VWA3A: variants seen among roughly 807,000 people sequenced by gnomAD.
The protein encoded by VWA3A is von Willebrand factor A domain containing 3A.
VWA3A carries 134 observed loss-of-function variants against 160.4 expected under a neutral mutation model. That is an observed-to-expected ratio of 0.84 (90% CI 0.73 to 0.96). The LOEUF is 0.96. Ranked by LOEUF, VWA3A falls within the 40% of genes least tolerant of loss-of-function variation. The pLI is 0.00. For synonymous variants in VWA3A, 476 were observed against 543.4 expected (o/e 0.88, Z 1.72); for missense variants, 1,310 against 1,447.9 (o/e 0.90, Z 1.55).
intron 1 of VWA3A, among the ~76,000 whole-genome samples, chr16:22,095,275 GAGA>G (rs1484195759): frequency 6.6e-6 from 1 of 152,180 alleles, no homozygotes; most frequent in African/African-American, 2.4e-5. Flanking sequence ...TAGGGTAGGG[GAGA>G]AGAAGAACGT....
chr16:22,095,301 A>T (rs1390131517), intron 1 of VWA3A, among the ~76,000 whole-genome samples: 1 of 152,196 alleles, frequency 6.6e-6, no homozygotes, highest in Non-Finnish European at 1.5e-5. Flanking sequence ...CAGAGCAAAG[A>T]CAGCAGCACA....
Position 22,126,238 on chromosome 16 carries a change from C to T in VWA3A, c.1593C>T (p.His531=), listed in dbSNP as rs760689604. Residue 531 remains histidine, a synonymous_variant, in exon 17 of 34, where the codon CAC becomes CAT. Transcript: ENST00000389398. ...TNSMYIIHIQ[H]SLRLLLEEQL... is the part of the protein sequence containing the mutation. The stretch of plus-strand genomic sequence containing the variant: ...CCATGTACATTATTCATATCCAGCA[C>T]TCCCTGCGGCTGCTGCTGGAGGAGC... The T allele has an allele frequency of 5.0e-6, 8 of 1,613,970 alleles. No individual in the cohort carries two copies. In the South Asian group the frequency reaches 7.7e-5, roughly 16 times the overall value.
chr16:22,110,981 G>A lies in VWA3A; in HGVS notation c.676G>A (p.Val226Ile). 1 of 1,607,580 alleles carries A rather than the reference G, an allele frequency of 6.2e-7. No individual in the cohort carries two copies. The highest frequency in any genetic ancestry group is 1.1e-5 in the South Asian group (1 of 89,504). Residue 226 changes from valine to isoleucine, a missense_variant, in exon 8 of 34, where the codon GTC becomes ATC. Transcript: ENST00000389398. ...GTCCCTCTGGCCAGACCCCATGGAA[G>A]TCAGCGCCTCCACGTGAGTGGCTTT... is the stretch of plus-strand genomic sequence containing the variant. ...AGSLWPDPME[V>I]SASTLQELKL...
intron 14 of VWA3A, 132 bp downstream of exon 14, chr16:22,121,749 C>T: frequency 1.5e-6 from 1 of 684,034 alleles, no homozygotes; most frequent in East Asian, 2.7e-5. Flanking sequence ...CTAGAATGCA[C>T]ATCAAATCCA....
In VWA3A at chr16:22,142,744, TAC is replaced by T. The variant is rs1211273699; in HGVS notation, c.2573_2574del (p.Thr858SerfsTer50). On this transcript the variant is annotated frameshift_variant, in exon 25 of 34. Coordinates refer to ENST00000389398, the MANE Select transcript of VWA3A (RefSeq NM_173615.5). LOFTEE classifies it high-confidence loss of function. ...SSSIDLPRKD[T>X]VCSSQEWVAK... The stretch of plus-strand genomic sequence containing the variant: ...CTTCTATTGACTTACCCAGAAAGGA[TAC>T]AGTTTGCTCAAGCCAAGAGGTATTA... 6.4e-7 allele frequency: 1 copy of T among 1,571,864 alleles called. No individual in the cohort carries two copies. Among genetic ancestry groups the T allele is most frequent in the Admixed American group, 1.9e-5 (1 of 53,664 alleles).
At chr16:22,120,350 C>T (rs1438489419) in intron 12 of VWA3A, among the ~76,000 whole-genome samples, 1 of 152,074 alleles carries the variant, frequency 6.6e-6, no homozygotes, top group Non-Finnish European at 1.5e-5. Flanking sequence ...AAAACTAGCT[C>T]ATTATGGTCA....
At chr16:22,144,486 G>C in intron 26 of VWA3A, 102 bp downstream of exon 26, 3 of 1,472,716 alleles carry the variant, frequency 2.0e-6, no homozygotes. Context: ...CTGCTTGTAG[G>C]AACTGCCCTC....
intron 30 of VWA3A, among the ~76,000 whole-genome samples, chr16:22,151,760 G>A (rs1441412142): frequency 6.6e-6 from 1 of 150,774 alleles, no homozygotes; most frequent in Admixed American, 6.6e-5. Flanking sequence ...GACATACTCA[G>A]CTCCTTCAAA....
Position 22,147,559 on chromosome 16 carries a change from T to C in VWA3A, c.2840-603T>C, listed in dbSNP as rs773221483. On this transcript the variant is annotated intron_variant, in intron 27 of 33. Transcript: ENST00000389398. ...TGTACGTGCCACTCAGGGTCCTGTG[T>C]AAATTCATTAGGTCCAGTCCTCTGC... is the stretch of plus-strand genomic sequence containing the variant. 3 of 703,042 alleles carry C rather than the reference T, an allele frequency of 4.3e-6. No individual in the cohort carries two copies. The South Asian group carries it at 4.4e-5, about 10-fold the overall frequency. 43.6% of individuals were successfully genotyped at this position (703,042 alleles called of 1,614,324 possible).
intron 31 of VWA3A, 85 bp downstream of exon 31, chr16:22,152,719 C>G: frequency 1.3e-6 from 2 of 1,523,744 alleles, no homozygotes; most frequent in Non-Finnish European, 1.8e-6. Context: ...TTCTTGAACT[C>G]CTGGGCTCAA....
At chr16:22,123,731 T>C in intron 16 of VWA3A, 24 bp downstream of exon 16, 1 of 1,602,572 alleles carries the variant, frequency 6.2e-7, no homozygotes, top group Non-Finnish European at 8.5e-7. Context: ...GCAGGGTTCT[T>C]ATCCTTCATG....
intron 23 of VWA3A, among the ~76,000 whole-genome samples, chr16:22,140,957 A>G (rs897205139): frequency 2.6e-5 from 4 of 152,138 alleles, no homozygotes; most frequent in African/African-American, 9.7e-5. Flanking sequence ...GATAGTAACT[A>G]AAACGATCAA....
intron 14 of VWA3A, among the ~76,000 whole-genome samples, chr16:22,122,279 GGGTGGA>G (rs1253134847): frequency 8.1e-5 from 12 of 148,952 alleles, no homozygotes; most frequent in African/African-American, 2.5e-4. Context: ...ATGGATGGAT[GGGTGGA>G]TGGATGGATG....
At chr16:22,136,648 T>A (rs1420899632) in intron 21 of VWA3A, among the ~76,000 whole-genome samples, 1 of 151,984 alleles carries the variant, frequency 6.6e-6, no homozygotes, top group East Asian at 1.9e-4. Flanking sequence ...CCATCTTCTA[T>A]TCCTCTGTGG....
rs1250088442 is a variant in VWA3A, at chr16:22,133,110, C to T, written c.2068+15C>T. 1 of 1,606,264 alleles carries T rather than the reference C, an allele frequency of 6.2e-7. No individual in the cohort carries two copies. Among genetic ancestry groups the T allele is most frequent in the East Asian group, 2.2e-5 (1 of 44,592 alleles). ...TGGAGACACAGGTACATGACTGTTT[C>T]CTCATCCCTTCAGCTCATTCCAAAC... On this transcript the variant is annotated intron_variant, in intron 20 of 33. Coordinates refer to ENST00000389398, the MANE Select transcript of VWA3A (RefSeq NM_173615.5).
chr16:22,150,965 C>A, intron 30 of VWA3A, 119 bp downstream of exon 30: 1 of 1,246,986 alleles, frequency 8.0e-7, no homozygotes, highest in Non-Finnish European at 1.1e-6. Flanking sequence ...TTCTCCTGGG[C>A]CCTAATCCTG....
chr16:22,138,558 T>A, intron 22 of VWA3A, 46 bp downstream of exon 22: 1 of 1,610,072 alleles, frequency 6.2e-7, no homozygotes, highest in Non-Finnish European at 8.5e-7. Context: ...GGTTTCCTGT[T>A]TGTCTTCTGG....
chr16:22,107,589 A>T (rs185902272), intron 6 of VWA3A, among the ~76,000 whole-genome samples: 190 of 151,628 alleles, frequency 1.3e-3, no homozygotes, highest in Non-Finnish European at 2.1e-3. Flanking sequence ...AAAAAATTTT[A>T]AAAAAAAATA....
intron 6 of VWA3A, among the ~76,000 whole-genome samples, chr16:22,107,578 CA>C (rs1332148703): frequency 6.6e-6 from 1 of 151,934 alleles, no homozygotes; most frequent in East Asian, 1.9e-4. Context: ...CCTATCTCTA[CA>C]AAAAATTTTA....
Sources: gnomAD v4.1 joint callset for allele counts (sites outside exome capture counted in the v4.1 genomes callset) on GRCh38, gnomAD v4.1.1 for gene constraint, MANE v1.5 for transcripts, NCBI Gene and HGNC (gene_info 2026-07-23, HGNC 2026-07-21) for gene names.